The following RGS22 variants were observed in gnomAD, a reference collection of about 807,000 sequenced individuals.
RGS22 encodes regulator of G protein signaling 22.
In RGS22, 148 loss-of-function variants were observed where a neutral mutation model predicts 172.9. That is an observed-to-expected ratio of 0.86 (90% confidence interval 0.75 to 0.98). The LOEUF (loss-of-function observed/expected upper bound fraction) is 0.98. RGS22 is among the 50% of genes least tolerant of loss of function. The pLI, the probability that RGS22 is intolerant of heterozygous loss-of-function variation, is 0.00. For synonymous variants in RGS22, 458 were observed against 480.2 expected (o/e 0.95, Z 0.60); for missense variants, 1,347 against 1,440.8 (o/e 0.93, Z 1.05).
At chr8:99,971,889 G>GA (rs1157528927) in intron 23 of RGS22, among the ~76,000 whole-genome samples, 7 of 152,066 alleles carry the variant, frequency 4.6e-5, no homozygotes, top group African/African-American at 1.7e-4. Flanking sequence ...CACAGAGCTA[G>GA]AAAAAACTAC....
At chr8:100,027,087 GGT>G (rs1197674203) in intron 14 of RGS22, among the ~76,000 whole-genome samples, 1 of 152,086 alleles carries the variant, frequency 6.6e-6, no homozygotes, top group Non-Finnish European at 1.5e-5. Context: ...TGGGGCTGGT[GGT>G]GTGTCTGTAG....
In RGS22 at chr8:100,102,101, A is replaced by T. The variant is rs182734182; in HGVS notation, c.54+3273T>A. Among the ~76,000 whole-genome samples the T allele has an allele frequency of 2.0e-3, 307 of 152,336 alleles. 1 individual carries two copies. The highest frequency in any genetic ancestry group is 7.0e-3 in the African/African-American group (289 of 41,568). On this transcript the variant is annotated intron_variant, in intron 2 of 27. Coordinates refer to ENST00000360863, the MANE Select transcript of RGS22 (RefSeq NM_015668.5). ...ACTGTATTCCAGCTGGCAGAAAAGA[A>T]GAAAAAGGGCTCATTCTTTCCTTCT...
intron 21 of RGS22, among the ~76,000 whole-genome samples, chr8:99,982,483 C>G (rs547966338): frequency 2.7e-4 from 41 of 152,320 alleles, no homozygotes; most frequent in African/African-American, 9.4e-4. Flanking sequence ...TTTTAAGGTT[C>G]AATCTCCACT....
chr8:100,101,443 A>ATTTTTTTTTTTTTTTTTTTTTTT (rs57644659), intron 2 of RGS22, among the ~76,000 whole-genome samples: 1 of 116,778 alleles, frequency 8.6e-6, no homozygotes, highest in African/African-American at 3.3e-5. Context: ...TGCCCAGCTA[A>ATTTTTTTTTTTTTTTTTTTTTTT]TTTTTTTTTT....
At chr8:99,976,026 C>T (rs1811890724) in intron 23 of RGS22, among the ~76,000 whole-genome samples, 1 of 151,958 alleles carries the variant, frequency 6.6e-6, no homozygotes, top group Non-Finnish European at 1.5e-5. Flanking sequence ...CCTGTCTCTA[C>T]TAAAAATACA....
chr8:100,069,759 T>C (rs542744775), intron 6 of RGS22, among the ~76,000 whole-genome samples: 2 of 152,294 alleles, frequency 1.3e-5, no homozygotes, highest in Admixed American at 6.5e-5. Flanking sequence ...CTTTGTCTCT[T>C]CAGACACGAG....
chr8:99,996,930 G>T (rs1261348838), intron 19 of RGS22, among the ~76,000 whole-genome samples: 1 of 152,150 alleles, frequency 6.6e-6, no homozygotes, highest in African/African-American at 2.4e-5. Flanking sequence ...ATTTCTTGGG[G>T]TTATTGCCTA....
chr8:100,083,782 T>C (rs534189157), intron 3 of RGS22, among the ~76,000 whole-genome samples: 67 of 151,916 alleles, frequency 4.4e-4, no homozygotes, highest in Non-Finnish European at 9.0e-4. Context: ...TCTGGAGTTA[T>C]CACTATGCAA....
At chr8:100,068,992 A>C (rs927215480) in intron 6 of RGS22, among the ~76,000 whole-genome samples, 3 of 152,106 alleles carry the variant, frequency 2.0e-5, no homozygotes, top group African/African-American at 7.2e-5. Context: ...GAGAGAAGAA[A>C]AATGTGCCTT....
At chr8:100,104,866 C>T (rs1247606969) in intron 2 of RGS22, among the ~76,000 whole-genome samples, 1 of 152,100 alleles carries the variant, frequency 6.6e-6, no homozygotes, top group Non-Finnish European at 1.5e-5. Context: ...ACAATGGAAC[C>T]CAGCCTAAAT....
chr8:100,071,068 A>G (rs1810934304), intron 6 of RGS22, among the ~76,000 whole-genome samples: 1 of 152,110 alleles, frequency 6.6e-6, no homozygotes, highest in Non-Finnish European at 1.5e-5. Context: ...GGATTCCTTG[A>G]GCCTAGGAGT....
chr8:100,046,665 C>G (rs1372772753), intron 11 of RGS22, among the ~76,000 whole-genome samples: 1 of 150,038 alleles, frequency 6.7e-6, no homozygotes, highest in Non-Finnish European at 1.5e-5. Flanking sequence ...TGCTTAAAGG[C>G]ATCTGCGTGT....
chr8:100,084,640 G>A (rs1454271966), intron 3 of RGS22, among the ~76,000 whole-genome samples: 1 of 152,110 alleles, frequency 6.6e-6, no homozygotes, highest in Non-Finnish European at 1.5e-5. Context: ...GAAAAGCCAC[G>A]CATTAGCTTA....
intron 9 of RGS22, among the ~76,000 whole-genome samples, chr8:100,060,699 C>T (rs1810063038): frequency 6.6e-6 from 1 of 151,946 alleles, no homozygotes; most frequent in Non-Finnish European, 1.5e-5. Context: ...ACATTCCATA[C>T]TCATGGATAA....
At chr8:100,004,269 A>T in intron 16 of RGS22, 171 bp from the exon 17 acceptor site, 1 of 375,732 alleles carries the variant, frequency 2.7e-6, no homozygotes, top group Non-Finnish European at 3.7e-6. Flanking sequence ...TTCAGATTCT[A>T]ACATATCAAA....
intron 1 of RGS22, 97 bp from the exon 2 acceptor site, chr8:100,105,499 C>A: frequency 1.0e-6 from 1 of 988,378 alleles, no homozygotes; most frequent in Non-Finnish European, 1.6e-6. Context: ...ACGTTATACA[C>A]AGGCAAACGT....
At chr8:99,964,052 T>C (rs758501820) in intron 24 of RGS22, among the ~76,000 whole-genome samples, 15 of 149,704 alleles carry the variant, frequency 1.0e-4, no homozygotes, top group East Asian at 1.9e-4. Context: ...ATCACCACCA[T>C]CATCATCATC....
intron 23 of RGS22, among the ~76,000 whole-genome samples, chr8:99,972,268 G>A (rs1258343774): frequency 1.3e-5 from 2 of 151,980 alleles, no homozygotes; most frequent in African/African-American, 4.8e-5. Context: ...ATTAAAGAGT[G>A]AAACATAAAA....
At chr8:100,013,129 A>G (rs1373781698) in intron 14 of RGS22, among the ~76,000 whole-genome samples, 1 of 151,994 alleles carries the variant, frequency 6.6e-6, no homozygotes, top group African/African-American at 2.4e-5. Flanking sequence ...AGCTGGGACT[A>G]CAGGTGTCCA....
Sources: allele counts gnomAD v4.1 joint callset (sites outside exome capture counted in the v4.1 genomes callset), GRCh38; gene constraint gnomAD v4.1.1; transcripts MANE v1.5; gene names NCBI Gene and HGNC (gene_info 2026-07-23, HGNC 2026-07-21).